The following ZFR variants were observed in gnomAD, a reference collection of about 807,000 sequenced individuals.
ZFR encodes the protein zinc finger RNA-binding protein.
In ZFR, 19 loss-of-function variants were observed where a neutral mutation model predicts 130.7. The observed-to-expected ratio is 0.15, with a 90% CI of 0.10 to 0.21. The LOEUF (loss-of-function observed/expected upper bound fraction) is 0.21. ZFR is among the 10% of genes least tolerant of loss of function. The probability of loss-of-function intolerance (pLI) is 1.00; values close to 1 mark genes in which losing one functional copy is unlikely to be tolerated. For synonymous variants in ZFR, 466 were observed against 456.9 expected, an observed-to-expected ratio of 1.02 and a Z score of -0.25; for missense variants, 872 against 1,321.5, an observed-to-expected ratio of 0.66 and a Z score of 5.27.
chr5:32,422,660 C>T (rs1229561568), intron 2 of ZFR, among the ~76,000 whole-genome samples: 1 of 151,764 alleles, frequency 6.6e-6, no homozygotes, highest in Non-Finnish European at 1.5e-5. Flanking sequence ...ATTAGCCACA[C>T]ATGGTAGTGT....
Position 32,376,896 on chromosome 5 carries a change from T to C in ZFR, c.2835+2219A>G, listed in dbSNP as rs1362542680. ...TGGAAAACGGAGGCAGGAGAATCGC[T>C]TGAACCCGGGAGGCAAAGGCTGCAG... On this transcript the variant is annotated intron_variant, in intron 17 of 19. Coordinates refer to ENST00000265069, the MANE Select transcript of ZFR (RefSeq NM_016107.5). Among the ~76,000 whole-genome samples the C allele has an allele frequency of 3.3e-5, 5 of 149,752 alleles. No individual in the cohort carries two copies. In the East Asian group the frequency reaches 1.0e-3, roughly 31 times the overall value.
chr5:32,369,076 T>C (rs907581432), intron 17 of ZFR, among the ~76,000 whole-genome samples: 2 of 152,220 alleles, frequency 1.3e-5, no homozygotes, highest in South Asian at 4.1e-4. Context: ...TTAATAAAAA[T>C]GGTCATGTCT....
intron 17 of ZFR, among the ~76,000 whole-genome samples, chr5:32,376,123 T>G (rs1332449100): frequency 6.6e-6 from 1 of 151,932 alleles, no homozygotes; most frequent in African/African-American, 2.4e-5. Context: ...ATTACAGGCA[T>G]GAGCCACCAT....
intron 15 of ZFR, among the ~76,000 whole-genome samples, chr5:32,384,958 TG>T (rs1477554931): frequency 1.3e-5 from 2 of 152,140 alleles, no homozygotes; most frequent in Non-Finnish European, 2.9e-5. Context: ...TCTGCATTTA[TG>T]AAAGTGCTCC....
chr5:32,387,980 T>C (rs993091146), intron 13 of ZFR, among the ~76,000 whole-genome samples: 2 of 152,238 alleles, frequency 1.3e-5, no homozygotes, highest in African/African-American at 4.8e-5. Context: ...ATAGGAGTTA[T>C]GTTTAATGTA....
intron 15 of ZFR, 76 bp downstream of exon 15, chr5:32,385,432 G>T: frequency 6.5e-7 from 1 of 1,541,064 alleles, no homozygotes; most frequent in Non-Finnish European, 8.8e-7. Flanking sequence ...GCCTTCTAGG[G>T]CTTAATGCCA....
chr5:32,411,797 G>A (rs1351908265), intron 5 of ZFR, among the ~76,000 whole-genome samples: 2 of 150,780 alleles, frequency 1.3e-5, no homozygotes, highest in South Asian at 2.1e-4. Context: ...ATTAGGTACT[G>A]TAAGTAATCT....
intron 19 of ZFR, among the ~76,000 whole-genome samples, chr5:32,360,037 T>C (rs1473332677): frequency 6.6e-6 from 1 of 152,178 alleles, no homozygotes; most frequent in Non-Finnish European, 1.5e-5. Flanking sequence ...TAAGAATATC[T>C]TTGGCACCAA....
chr5:32,390,527 C>A, intron 11 of ZFR, 90 bp from the exon 12 acceptor site: 1 of 1,286,064 alleles, frequency 7.8e-7, no homozygotes, highest in Admixed American at 2.3e-5. Flanking sequence ...CAATAAAAAA[C>A]CCCACCAACA....
intron 2 of ZFR, among the ~76,000 whole-genome samples, chr5:32,424,530 C>T (rs146491564): frequency 0.049 from 6,657 of 135,220 alleles, 228 homozygotes; most frequent in Non-Finnish European, 0.073. Context: ...GAGACTCCGT[C>T]TCAAAAAAAA....
At chr5:32,414,885 G>A (rs766519970) in intron 5 of ZFR, 84 bp downstream of exon 5, 116 of 1,205,338 alleles carry the variant, frequency 9.6e-5, no homozygotes, top group Middle Eastern at 2.8e-4. Flanking sequence ...TGGGAGTAAG[G>A]TAATTTCAAA....
At position 32,388,546 on chromosome 5, in the gene ZFR, G is replaced by T; in HGVS notation, c.2271C>A (p.Leu757=). 6.2e-7 allele frequency: 1 copy of T among 1,613,864 alleles called. No homozygotes were observed. The highest frequency in any genetic ancestry group is 8.5e-7 in the Non-Finnish European group (1 of 1,179,914). The part of the protein sequence containing the change: ...IVSITERALK[L]VSDSLSEHEK... ...CATGTTCAGACAAACTGTCTGAAACGAGTTTTAAAGCACGTTCAGTAATAG... is the reference window on the plus strand; with the variant it reads ...CATGTTCAGACAAACTGTCTGAAACTAGTTTTAAAGCACGTTCAGTAATAG... The change falls in exon 13 of 20, where the codon CTC becomes CTA. Residue 757 remains leucine (L), a synonymous_variant. Coordinates refer to ENST00000265069, the MANE Select transcript of ZFR (RefSeq NM_016107.5).
intron 19 of ZFR, among the ~76,000 whole-genome samples, chr5:32,357,508 T>G (rs181490183): frequency 3.5e-4 from 53 of 152,262 alleles, no homozygotes; most frequent in Non-Finnish European, 6.6e-4. Context: ...TCCGGAGATC[T>G]GCCTGCCTTG....
At chr5:32,444,141 T>G (rs1754543775) in intron 2 of ZFR, 88 bp downstream of exon 2, 6 of 1,456,066 alleles carry the variant, frequency 4.1e-6, no homozygotes, top group Admixed American at 3.9e-5. Flanking sequence ...CTGGGATGGC[T>G]GGGGACGGGC....
At chr5:32,436,316 T>TC in intron 2 of ZFR, among the ~76,000 whole-genome samples, 1 of 146,576 alleles carries the variant, frequency 6.8e-6, no homozygotes, top group East Asian at 2.0e-4. Context: ...GCCCGGCTGA[T>TC]TTTTTTTTTT....
intron 10 of ZFR, 100 bp downstream of exon 10, chr5:32,397,119 C>A (rs1473149116): frequency 2.9e-6 from 4 of 1,361,362 alleles, no homozygotes; most frequent in African/African-American, 1.5e-5. Context: ...ATGGACTTGG[C>A]AAGCTGTGTT....
intron 2 of ZFR, among the ~76,000 whole-genome samples, chr5:32,425,125 A>G (rs573643901): frequency 4.6e-5 from 7 of 152,372 alleles, no homozygotes; most frequent in African/African-American, 1.4e-4. Flanking sequence ...CATAAAGTTG[A>G]TAAGTTACAA....
intron 17 of ZFR, among the ~76,000 whole-genome samples, chr5:32,371,474 CAG>C (rs755507779): frequency 2.0e-5 from 3 of 152,150 alleles, no homozygotes; most frequent in Non-Finnish European, 4.4e-5. Context: ...TCCTTAAGAA[CAG>C]AGTGTTTACC....
chr5:32,390,253 T>C, intron 12 of ZFR, 22 bp downstream of exon 12: 1 of 1,601,280 alleles, frequency 6.2e-7, no homozygotes. Flanking sequence ...TCACCCCTTG[T>C]ATCACCAACG....
Sources: gnomAD v4.1 joint callset for allele counts (sites outside exome capture counted in the v4.1 genomes callset) on GRCh38, gnomAD v4.1.1 for gene constraint, MANE v1.5 for transcripts, NCBI Gene and HGNC (gene_info 2026-07-23, HGNC 2026-07-21) for gene names.